HAUS6: variants seen among roughly 807,000 people sequenced by gnomAD.
The protein encoded by HAUS6 is HAUS augmin-like complex subunit 6.
Under a neutral mutation model 106.8 loss-of-function variants are expected in HAUS6, and 80 were observed. The observed-to-expected ratio is 0.75, with a 90% CI of 0.63 to 0.90. The LOEUF is 0.90. Among genes scored for constraint, HAUS6 ranks in the 40% least tolerant of loss-of-function variants. The pLI, the probability that HAUS6 is intolerant of heterozygous loss-of-function variation, is 0.00. For missense variants in HAUS6, 1,155 were observed against 1,118.1 expected, an observed-to-expected ratio of 1.03 and a Z score of -0.47; for synonymous variants, 356 against 379.1, an observed-to-expected ratio of 0.94 and a Z score of 0.71.
intron 7 of HAUS6, among the ~76,000 whole-genome samples, chr9:19,086,384 G>T (rs189763152): frequency 1.3e-4 from 19 of 151,520 alleles, no homozygotes; most frequent in African/African-American, 4.6e-4. Context: ...ACTTTGGGAG[G>T]CCAAGGCATG....
chr9:19,080,575 C>G lies in HAUS6; in HGVS notation c.968G>C (p.Cys323Ser). The G allele has an allele frequency of 6.2e-7, 1 of 1,600,002 alleles. No homozygotes were observed. Among genetic ancestry groups the G allele is most frequent in the Non-Finnish European group, 8.6e-7 (1 of 1,168,196 alleles). The change falls in exon 9 of 17, where the codon TGT becomes TCT. Residue 323 changes from cysteine (C) to serine (S), a missense_variant. By Grantham distance (112) the Cys-to-Ser change is moderately radical. Coordinates refer to ENST00000380502, the MANE Select transcript of HAUS6 (RefSeq NM_017645.5). Reference protein sequence around the residue: ...EVLKVMKYERCQADQARLTVD... With the variant: ...EVLKVMKYERSQADQARLTVD... ...CGTCAATCTTGCTTGATCAGCCTGA[C>G]AACGTTCATATTTCATCACCTTCAA...
chr9:19,073,283 G>A (rs188388457), intron 11 of HAUS6, among the ~76,000 whole-genome samples: 14 of 152,172 alleles, frequency 9.2e-5, no homozygotes, highest in African/African-American at 3.1e-4. Context: ...TAAATATGCT[G>A]AAATATAATT....
chr9:19,098,711 T>C (rs949208985), intron 1 of HAUS6, among the ~76,000 whole-genome samples: 4 of 127,842 alleles, frequency 3.1e-5, no homozygotes, highest in Non-Finnish European at 6.5e-5. Flanking sequence ...TGTTGAGTCA[T>C]ACATTATGTT....
At chr9:19,084,134 G>A (rs79366584) in intron 7 of HAUS6, among the ~76,000 whole-genome samples, 25 of 151,064 alleles carry the variant, frequency 1.7e-4, no homozygotes, top group Admixed American at 3.3e-4. Context: ...TCCATCCAGA[G>A]TAAAAAGGGT....
At chr9:19,091,066 C>T (rs1294146350) in intron 4 of HAUS6, among the ~76,000 whole-genome samples, 5 of 151,998 alleles carry the variant, frequency 3.3e-5, no homozygotes, top group Admixed American at 6.6e-5. Flanking sequence ...TTTGGGAGGC[C>T]GAGGCGGGTG....
intron 7 of HAUS6, among the ~76,000 whole-genome samples, chr9:19,083,662 C>T (rs1199467274): frequency 1.3e-5 from 2 of 151,684 alleles, no homozygotes; most frequent in African/African-American, 2.4e-5. Context: ...CTTAGCCAGG[C>T]GTGGTGGCAG....
chr9:19,075,840 C>T (rs137920285), intron 11 of HAUS6, among the ~76,000 whole-genome samples: 2 of 151,824 alleles, frequency 1.3e-5, no homozygotes, highest in Admixed American at 1.3e-4. Context: ...ACCTGTGATC[C>T]CAGCTCCTCA....
At chr9:19,081,052 A>G (rs987467050) in intron 8 of HAUS6, among the ~76,000 whole-genome samples, 1 of 152,144 alleles carries the variant, frequency 6.6e-6, no homozygotes, top group Non-Finnish European at 1.5e-5. Context: ...AGCCTGGGCA[A>G]TAAGAGTGAA....
rs190938837 is a variant in HAUS6, at chr9:19,059,765, T to C, written c.1765+323A>G. On this transcript the variant is annotated intron_variant, in intron 15 of 16. Coordinates refer to ENST00000380502, the MANE Select transcript of HAUS6 (RefSeq NM_017645.5). ...ACACAGCCTATGTACTCTATAAATA[T>C]GTAGATCACAGGTCAGACCAGGAGG... Among the ~76,000 whole-genome samples, 582 of 152,242 alleles carry C rather than the reference T, an allele frequency of 3.8e-3. 4 individuals carry two copies. The highest frequency in any genetic ancestry group is 0.013 in the African/African-American group (556 of 41,544).
Position 19,054,156 on chromosome 9 carries a change from A to G in HAUS6, c.*2187T>C, listed in dbSNP as rs1251179507. 4 of 152,184 alleles carry G rather than the reference A, an allele frequency of 2.6e-5. No homozygotes were observed. The highest frequency in any genetic ancestry group is 5.9e-5 in the Non-Finnish European group (4 of 68,028). 9.4% of individuals were successfully genotyped at this position (152,184 alleles called of 1,614,324 possible). ...GAAAGCAAGGTATTCCTGCTTCAGG[A>G]AAATTGTATATCAAGACCTCTAAAG... On this transcript the variant is annotated 3_prime_UTR_variant, in exon 17 of 17. Transcript: ENST00000380502.
Position 19,078,268 on chromosome 9 carries a change from G to GTCT in HAUS6, c.1096_1098dup (p.Arg366dup). The GTCT allele has an allele frequency of 6.6e-7, 1 of 1,517,872 alleles. No individual in the cohort carries two copies. Among genetic ancestry groups the GTCT allele is most frequent in the Non-Finnish European group, 9.1e-7 (1 of 1,093,878 alleles). 94.0% of individuals were successfully genotyped at this position (1,517,872 alleles called of 1,614,324 possible). On this transcript the variant is annotated inframe_insertion, in exon 10 of 17. Transcript: ENST00000380502. ...TCTCCTTGCTTTTCAACAACAGAAT[G>GTCT]TCTTATAGTTGTGAGATCATCTTTT...
chr9:19,056,431 A>C (rs768139920), intron 16 of HAUS6, 27 bp from the exon 17 acceptor site: 1 of 1,235,662 alleles, frequency 8.1e-7, no homozygotes. Flanking sequence ...AAAAAGTATA[A>C]GCAAACATTA....
chr9:19,096,002 C>T (rs1004221956), intron 2 of HAUS6, among the ~76,000 whole-genome samples: 24 of 151,660 alleles, frequency 1.6e-4, no homozygotes, highest in African/African-American at 5.6e-4. Flanking sequence ...CACAGAGTAC[C>T]GAGCAAAAAA....
chr9:19,100,361 C>CT (rs1817962483), intron 1 of HAUS6, among the ~76,000 whole-genome samples: 1 of 152,146 alleles, frequency 6.6e-6, no homozygotes, highest in African/African-American at 2.4e-5. Flanking sequence ...GCCAGACTAT[C>CT]TCAAAAAATA....
At chr9:19,086,873 CCAA>C (rs1392449934) in intron 6 of HAUS6, 91 bp from the exon 7 acceptor site, 1 of 660,740 alleles carries the variant, frequency 1.5e-6, no homozygotes, top group East Asian at 2.8e-5. Context: ...AATCAACCCA[CCAA>C]CAACCACCCC....
chr9:19,101,041 T>C (rs1011023764), intron 1 of HAUS6, among the ~76,000 whole-genome samples: 21 of 152,328 alleles, frequency 1.4e-4, no homozygotes, highest in Admixed American at 9.2e-4. Flanking sequence ...AGTGAAACTA[T>C]AGTTAAAAAT....
intron 11 of HAUS6, among the ~76,000 whole-genome samples, chr9:19,072,423 G>T (rs1836899363): frequency 6.6e-6 from 1 of 151,674 alleles, no homozygotes; most frequent in Non-Finnish European, 1.5e-5. Flanking sequence ...TTAGGCAGAA[G>T]AATTGCTTGA....
At position 19,056,602 on chromosome 9, in the gene HAUS6, T is replaced by C. The variant is rs147576079; in HGVS notation, c.2807-198A>G. The C allele has an allele frequency of 1.9e-3, 923 of 484,066 alleles. 6 individuals carry two copies. The highest frequency in any genetic ancestry group is 0.017 in the African/African-American group (858 of 51,038). 30.0% of individuals were successfully genotyped at this position (484,066 alleles called of 1,614,324 possible). ...AATACATTCCTCCCAGAGTACTTTT[T>C]TTTTTTTCTTTTTTCTGCGACAGGG... is the stretch of plus-strand genomic sequence containing the variant. On this transcript the variant is annotated intron_variant, in intron 16 of 16. Transcript: ENST00000380502.
intron 7 of HAUS6, among the ~76,000 whole-genome samples, chr9:19,083,819 T>A (rs1373537326): frequency 7.6e-4 from 6 of 7,922 alleles, no homozygotes; most frequent in African/African-American, 2.2e-3. Flanking sequence ...AAAAAAAAAT[T>A]TTTTTTCAAG....
Sources: allele counts gnomAD v4.1 joint callset (sites outside exome capture counted in the v4.1 genomes callset), GRCh38; gene constraint gnomAD v4.1.1; transcripts MANE v1.5; gene names NCBI Gene and HGNC (gene_info 2026-07-23, HGNC 2026-07-21).